LEPR: variants seen among roughly 807,000 people sequenced by gnomAD.
LEPR encodes OB receptor.
LEPR carries 56 observed loss-of-function variants against 114.7 expected under a neutral mutation model. The observed-to-expected ratio is 0.49, with a 90% confidence interval of 0.39 to 0.61. The LOEUF (loss-of-function observed/expected upper bound fraction) is 0.61, where lower values mean the gene tolerates loss of function less well. Ranked by LOEUF, LEPR falls within the 20% of genes least tolerant of loss-of-function variation. LEPR has a pLI of 0.00. For synonymous variants in LEPR, 443 were observed against 461.4 expected, an observed-to-expected ratio of 0.96 and a Z score of 0.51; for missense variants, 1,202 against 1,352.9, an observed-to-expected ratio of 0.89 and a Z score of 1.75.
chr1:65,545,355 A>G (rs1651609388), intron 2 of LEPR, among the ~76,000 whole-genome samples: 1 of 151,984 alleles, frequency 6.6e-6, no homozygotes, highest in Admixed American at 6.6e-5. Flanking sequence ...TGGTATTTCT[A>G]GTTCTAGATC....
chr1:65,594,405 A>G (rs1477519375), intron 6 of LEPR, among the ~76,000 whole-genome samples: 1 of 151,994 alleles, frequency 6.6e-6, no homozygotes, highest in Non-Finnish European at 1.5e-5. Flanking sequence ...GAAGTAAAGA[A>G]CTGTTTTGGT....
chr1:65,609,916 G>A lies in LEPR; in HGVS notation c.1753-31G>A, dbSNP rs370206770. 3.7e-6 allele frequency: 6 copies of A among 1,613,878 alleles called. No homozygotes were observed. In the African/African-American group the frequency reaches 8.0e-5, roughly 22 times the overall value. ...CTTTAGATACATATGTGTTGGTAAT[G>A]ATCAATCTAATGCTTTGACTTATTT... On this transcript the variant is annotated intron_variant, in intron 12 of 19. Transcript: ENST00000349533.
At chr1:65,497,168 A>G (rs1042710871) in intron 2 of LEPR, among the ~76,000 whole-genome samples, 2 of 152,108 alleles carry the variant, frequency 1.3e-5, no homozygotes, top group African/African-American at 4.8e-5. Context: ...TACCCTAAAA[A>G]TTTTCACATT....
chr1:65,534,456 G>A (rs1378316709), intron 2 of LEPR, among the ~76,000 whole-genome samples: 6 of 152,224 alleles, frequency 3.9e-5, no homozygotes, highest in Admixed American at 1.3e-4. Context: ...AATATTTATT[G>A]AGAGCTTACT....
At chr1:65,440,000 C>CAAAAAA (rs550347312) in intron 2 of LEPR, among the ~76,000 whole-genome samples, 402 of 57,366 alleles carry the variant, frequency 7.0e-3, no homozygotes, top group East Asian at 0.02. Context: ...GATTCTGTCT[C>CAAAAAA]AAAAAAAAAA....
intron 2 of LEPR, among the ~76,000 whole-genome samples, chr1:65,458,665 T>C (rs759746820): frequency 6.6e-6 from 1 of 152,168 alleles, no homozygotes; most frequent in East Asian, 1.9e-4. Flanking sequence ...TATTCCTGGG[T>C]GTAGATATTT....
At chr1:65,431,004 G>C (rs9436304) in intron 2 of LEPR, among the ~76,000 whole-genome samples, 43,012 of 152,034 alleles carry the variant, frequency 0.28, 6,502 homozygotes, top group African/African-American at 0.39. Context: ...CAGTGTGGTA[G>C]AGCTAAAAGA....
At chr1:65,556,051 C>A (rs1388975714) in intron 2 of LEPR, among the ~76,000 whole-genome samples, 1 of 151,984 alleles carries the variant, frequency 6.6e-6, no homozygotes, top group African/African-American at 2.4e-5. Flanking sequence ...AGAGGTGGGG[C>A]CTTTAGGAGG....
At chr1:65,544,702 G>GT (rs60771321) in intron 2 of LEPR, among the ~76,000 whole-genome samples, 97,795 of 149,008 alleles carry the variant, frequency 0.66, 33,328 homozygotes, top group Middle Eastern at 0.76. Context: ...CAATCATGCG[G>GT]TTTTTTTTTG....
chr1:65,583,594 A>C (rs1269921175), intron 5 of LEPR, among the ~76,000 whole-genome samples: 2 of 152,150 alleles, frequency 1.3e-5, no homozygotes, highest in African/African-American at 4.8e-5. Context: ...AAAAGATTCA[A>C]ATTAGTGCTC....
At chr1:65,439,008 G>A (rs6669873) in intron 2 of LEPR, among the ~76,000 whole-genome samples, 16,621 of 152,124 alleles carry the variant, frequency 0.11, 1,606 homozygotes, top group African/African-American at 0.26. Context: ...ATTTTAACCA[G>A]GTTAAAATAT....
chr1:65,621,588 A>G (rs1470446338), intron 18 of LEPR, 130 bp downstream of exon 18: 1 of 740,756 alleles, frequency 1.3e-6, no homozygotes, highest in African/African-American at 1.8e-5. Context: ...GTATACAATT[A>G]AGATAGCATA....
chr1:65,631,444 T>C (rs1570864295), intron 19 of LEPR, among the ~76,000 whole-genome samples: 1 of 152,202 alleles, frequency 6.6e-6, no homozygotes, highest in African/African-American at 2.4e-5. Flanking sequence ...GGTCTTCAGC[T>C]TTCTTTGCTC....
At position 65,614,633 on chromosome 1, in the gene LEPR, G is replaced by C. The variant is rs573752657; in HGVS notation, c.1996-1375G>C. ...AATGGATGGTGGATGGTGGGACCCA[G>C]ATTTCTCACTGTTGGATTGGGAGGT... is the stretch of plus-strand genomic sequence containing the variant. On this transcript the variant is annotated intron_variant, in intron 14 of 19. Coordinates refer to ENST00000349533, the MANE Select transcript of LEPR (RefSeq NM_002303.6). Among the ~76,000 whole-genome samples, 337 of 152,306 alleles carry C rather than the reference G, an allele frequency of 2.2e-3. 1 individual carries two copies. Among genetic ancestry groups the C allele is most frequent in the African/African-American group, 7.6e-3 (316 of 41,570 alleles).
intron 2 of LEPR, among the ~76,000 whole-genome samples, chr1:65,504,727 A>G (rs1270003905): frequency 6.6e-6 from 1 of 152,192 alleles, no homozygotes; most frequent in African/African-American, 2.4e-5. Flanking sequence ...GTTAATAACT[A>G]CTAAAATATG....
chr1:65,574,240 T>A (rs1654416066), intron 5 of LEPR, among the ~76,000 whole-genome samples: 1 of 152,130 alleles, frequency 6.6e-6, no homozygotes, highest in Admixed American at 6.6e-5. Flanking sequence ...GGCAGTATAG[T>A]GTTGGGAAGA....
intron 12 of LEPR, among the ~76,000 whole-genome samples, chr1:65,609,238 G>A (rs1041924829): frequency 2.6e-4 from 40 of 152,190 alleles, no homozygotes; most frequent in African/African-American, 9.6e-4. Context: ...GTTTGGAGAG[G>A]TCCTTCATTA....
chr1:65,612,504 CAA>C (rs1206138800), intron 14 of LEPR, among the ~76,000 whole-genome samples: 9 of 152,172 alleles, frequency 5.9e-5, no homozygotes, highest in Admixed American at 3.9e-4. Flanking sequence ...CTCTTGGTTG[CAA>C]AAGTTTCTTA....
intron 2 of LEPR, among the ~76,000 whole-genome samples, chr1:65,468,879 C>T (rs1334428026): frequency 6.6e-6 from 1 of 152,192 alleles, no homozygotes. Context: ...GGGAGCTATG[C>T]TTAATAGGAG....
Sources: allele counts gnomAD v4.1 joint callset (sites outside exome capture counted in the v4.1 genomes callset), GRCh38; gene constraint gnomAD v4.1.1; transcripts MANE v1.5; gene names NCBI Gene and HGNC (gene_info 2026-07-23, HGNC 2026-07-21).